Variants in PBX3 observed in about 807,000 individuals in gnomAD.
PBX3 encodes pre-B-cell leukemia transcription factor 3.
Under a neutral mutation model 48.5 loss-of-function variants are expected in PBX3, and 14 were observed. That is an observed-to-expected ratio of 0.29 (90% CI 0.19 to 0.45). The LOEUF is 0.45. PBX3 is among the 20% of genes least tolerant of loss of function. The probability of loss-of-function intolerance (pLI) is 1.00; values close to 1 mark genes in which losing one functional copy is unlikely to be tolerated. For synonymous variants in PBX3, 210 were observed against 200.3 expected (o/e 1.05, Z -0.41); for missense variants, 386 against 546.7 (o/e 0.71, Z 2.93).
chr9:125,750,040 T>A (rs1472699392), intron 2 of PBX3, among the ~76,000 whole-genome samples: 1 of 152,250 alleles, frequency 6.6e-6, no homozygotes, highest in East Asian at 1.9e-4. Context: ...CAGTAGATAA[T>A]TTTTATCTGA....
chr9:125,865,939 G>A (rs952923644), intron 2 of PBX3, among the ~76,000 whole-genome samples: 1 of 151,488 alleles, frequency 6.6e-6, no homozygotes, highest in Admixed American at 6.6e-5. Flanking sequence ...ACCTGCTTGC[G>A]TGCCTTCCCT....
At chr9:125,830,890 A>G (rs1253880212) in intron 2 of PBX3, among the ~76,000 whole-genome samples, 1 of 151,576 alleles carries the variant, frequency 6.6e-6, no homozygotes, top group Non-Finnish European at 1.5e-5. Context: ...CTTACTTTTT[A>G]TTATAAAATT....
chr9:125,838,852 A>G (rs1839211534), intron 2 of PBX3, among the ~76,000 whole-genome samples: 1 of 152,220 alleles, frequency 6.6e-6, no homozygotes, highest in Non-Finnish European at 1.5e-5. Flanking sequence ...TAAAATGAAA[A>G]TAATAAAGTA....
chr9:125,951,268 G>A (rs1842188970), intron 5 of PBX3, among the ~76,000 whole-genome samples: 1 of 152,216 alleles, frequency 6.6e-6, no homozygotes, highest in South Asian at 2.1e-4. Context: ...AGAAGGGATA[G>A]AGGTAGTGCC....
chr9:125,784,961 G>A (rs1466007757), intron 2 of PBX3, among the ~76,000 whole-genome samples: 2 of 152,186 alleles, frequency 1.3e-5, no homozygotes, highest in Admixed American at 6.5e-5. Context: ...GCTTTTAAAT[G>A]TCCTAATTTC....
At chr9:125,758,885 A>G (rs1836589713) in intron 2 of PBX3, among the ~76,000 whole-genome samples, 1 of 152,182 alleles carries the variant, frequency 6.6e-6, no homozygotes, top group Non-Finnish European at 1.5e-5. Flanking sequence ...AAAATAATAT[A>G]ATGCTGATGA....
intron 2 of PBX3, among the ~76,000 whole-genome samples, chr9:125,855,618 A>G (rs1180929938): frequency 1.3e-5 from 2 of 152,144 alleles, no homozygotes; most frequent in Admixed American, 1.3e-4. Context: ...GCTAGGGCAC[A>G]TTATTACTTT....
chr9:125,859,931 C>T (rs1462950792), intron 2 of PBX3, among the ~76,000 whole-genome samples: 1 of 152,152 alleles, frequency 6.6e-6, no homozygotes, highest in East Asian at 1.9e-4. Flanking sequence ...ATGGAAGTAG[C>T]TATGTACTGT....
intron 2 of PBX3, among the ~76,000 whole-genome samples, chr9:125,806,216 A>C (rs1838120812): frequency 6.6e-6 from 1 of 152,128 alleles, no homozygotes; most frequent in Admixed American, 6.5e-5. Flanking sequence ...GGAAGAGCAA[A>C]TGTAAAGGTT....
chr9:125,767,190 G>A (rs531137620), intron 2 of PBX3, among the ~76,000 whole-genome samples: 47 of 152,336 alleles, frequency 3.1e-4, no homozygotes, highest in African/African-American at 1.1e-3. Context: ...GCCATTGGAA[G>A]TAATTTTGTC....
At chr9:125,755,335 A>G (rs1288093322) in intron 2 of PBX3, among the ~76,000 whole-genome samples, 1 of 152,198 alleles carries the variant, frequency 6.6e-6, no homozygotes, top group Admixed American at 6.5e-5. Context: ...TTAAGATTCT[A>G]AACAGGCATT....
intron 5 of PBX3, among the ~76,000 whole-genome samples, chr9:125,951,226 G>T (rs1427411415): frequency 2.0e-5 from 3 of 152,328 alleles, no homozygotes; most frequent in African/African-American, 4.8e-5. Flanking sequence ...TCTAGGTCCA[G>T]TGCATTGTCC....
chr9:125,936,063 A>G (rs930982031), intron 5 of PBX3, among the ~76,000 whole-genome samples: 4 of 152,202 alleles, frequency 2.6e-5, no homozygotes, highest in African/African-American at 4.8e-5. Flanking sequence ...ACATACTACA[A>G]TGTTTGAATC....
At chr9:125,835,281 G>A (rs1486241164) in intron 2 of PBX3, among the ~76,000 whole-genome samples, 1 of 152,080 alleles carries the variant, frequency 6.6e-6, no homozygotes, top group Non-Finnish European at 1.5e-5. Context: ...GTTTGATGTA[G>A]GAGGAAGAGG....
At chr9:125,944,993 C>T (rs1247732330) in intron 5 of PBX3, among the ~76,000 whole-genome samples, 10 of 152,034 alleles carry the variant, frequency 6.6e-5, no homozygotes, top group Non-Finnish European at 1.0e-4. Context: ...GAAGCTGAGG[C>T]GGGCGGATTG....
chr9:125,889,101 A>T (rs987158961), intron 2 of PBX3, among the ~76,000 whole-genome samples: 1 of 152,250 alleles, frequency 6.6e-6, no homozygotes, highest in African/African-American at 2.4e-5. Flanking sequence ...TTGGAAGTGG[A>T]TAACAGCCCT....
chr9:125,867,401 G>A (rs1840007941), intron 2 of PBX3, among the ~76,000 whole-genome samples: 1 of 151,966 alleles, frequency 6.6e-6, no homozygotes, highest in East Asian at 1.9e-4. Context: ...CAGCACTTTG[G>A]GAGGCCAAGG....
intron 2 of PBX3, among the ~76,000 whole-genome samples, chr9:125,776,165 A>C (rs1588134226): frequency 6.6e-6 from 1 of 152,174 alleles, no homozygotes; most frequent in African/African-American, 2.4e-5. Flanking sequence ...TTCTTGTCTT[A>C]TTCTTAATAT....
chr9:125,951,882 C>T (rs1193154560), intron 5 of PBX3, among the ~76,000 whole-genome samples: 1 of 152,146 alleles, frequency 6.6e-6, no homozygotes, highest in East Asian at 1.9e-4. Context: ...CCTTTCTGTC[C>T]TTATAGAAAC....
Sources: allele counts gnomAD v4.1 joint callset (sites outside exome capture counted in the v4.1 genomes callset), GRCh38; gene constraint gnomAD v4.1.1; transcripts MANE v1.5; gene names NCBI Gene and HGNC (gene_info 2026-07-23, HGNC 2026-07-21).